Variants in MSI2 observed in about 807,000 individuals in gnomAD.
The protein encoded by MSI2 is RNA-binding protein Musashi homolog 2.
A neutral mutation model predicts 45.6 loss-of-function variants in MSI2; 17 were observed. The observed-to-expected ratio is 0.37, with a 90% CI of 0.26 to 0.56. The LOEUF is 0.56. Ranked by LOEUF, MSI2 falls within the 20% of genes least tolerant of loss-of-function variation. The probability of loss-of-function intolerance (pLI) is 0.77; values close to 1 mark genes in which losing one functional copy is unlikely to be tolerated. For synonymous variants in MSI2, 156 were observed against 158.2 expected (o/e 0.99, Z 0.11); for missense variants, 293 against 444.2 (o/e 0.66, Z 3.06).
intron 10 of MSI2, among the ~76,000 whole-genome samples, chr17:57,643,288 T>C (rs1280210448): frequency 6.6e-6 from 1 of 152,118 alleles, no homozygotes; most frequent in Non-Finnish European, 1.5e-5. Flanking sequence ...AGGCGTGAGC[T>C]CTCCCTCCGC....
chr17:57,355,261 A>G (rs1024660267), intron 5 of MSI2, among the ~76,000 whole-genome samples: 10 of 152,190 alleles, frequency 6.6e-5, no homozygotes, highest in African/African-American at 9.7e-5. Context: ...CTGGATGCAC[A>G]TAGGAGCTTG....
At chr17:57,573,542 A>G (rs2087934304) in intron 7 of MSI2, among the ~76,000 whole-genome samples, 1 of 152,212 alleles carries the variant, frequency 6.6e-6, no homozygotes, top group Non-Finnish European at 1.5e-5. Context: ...TGAGTTGCTC[A>G]GGGTGATAGA....
intron 6 of MSI2, among the ~76,000 whole-genome samples, chr17:57,409,340 G>C (rs534040486): frequency 2.6e-5 from 4 of 152,278 alleles, no homozygotes; most frequent in Non-Finnish European, 5.9e-5. Context: ...TCATCCAAAT[G>C]CTGAATTAGA....
At chr17:57,674,252 G>T (rs1348522542) in intron 11 of MSI2, among the ~76,000 whole-genome samples, 1 of 149,220 alleles carries the variant, frequency 6.7e-6, no homozygotes, top group African/African-American at 2.5e-5. Flanking sequence ...AGGGCGGGAA[G>T]GGAGGGAGTA....
chr17:57,287,133 T>TG (rs1909974523), intron 5 of MSI2, among the ~76,000 whole-genome samples: 3 of 148,794 alleles, frequency 2.0e-5, no homozygotes, highest in East Asian at 1.9e-4. Flanking sequence ...AAAAAGTTGT[T>TG]TTTTTTTTTT....
At chr17:57,402,834 T>C (rs2084017913) in intron 6 of MSI2, among the ~76,000 whole-genome samples, 2 of 152,206 alleles carry the variant, frequency 1.3e-5, no homozygotes, top group Non-Finnish European at 2.9e-5. Context: ...TTTCTGGTAT[T>C]GTCAGCTGGG....
rs79283758 is a variant in MSI2 at position 57,513,701 on chromosome 17, C to G, written c.406-15975C>G. Among the ~76,000 whole-genome samples, 665 of 152,326 alleles carry G rather than the reference C, an allele frequency of 4.4e-3. 3 individuals are homozygous for G. Among genetic ancestry groups the G allele is most frequent in the Non-Finnish European group, 6.3e-3 (429 of 68,032 alleles). ...GCAGTCCCTCAGGGAGCCTCACCCC[C>G]CTCCCGGGCTCTCAAACCCTCTGGC... On this transcript the variant is annotated intron_variant, in intron 6 of 13. Coordinates refer to ENST00000284073, the MANE Select transcript of MSI2 (RefSeq NM_138962.4).
chr17:57,567,234 T>A (rs2087756648), intron 7 of MSI2, among the ~76,000 whole-genome samples: 1 of 152,200 alleles, frequency 6.6e-6, no homozygotes. Flanking sequence ...ATTCAGTCGC[T>A]CCTTTTGTAT....
chr17:57,377,942 G>T lies in MSI2; in HGVS notation c.313-23437G>T, dbSNP rs2083528123. 2.0e-5 allele frequency among the ~76,000 whole-genome samples: 3 copies of T among 152,208 alleles called. No individual in the cohort carries two copies. In the South Asian group the frequency reaches 6.2e-4, roughly 32 times the overall value. ...TACAAAAAATTAGCCAGGCGTGGTG[G>T]TGTGCACCTGTAGTCCCAGCTACTC... On this transcript the variant is annotated intron_variant, in intron 5 of 13. Coordinates refer to ENST00000284073, the MANE Select transcript of MSI2 (RefSeq NM_138962.4).
At chr17:57,536,984 G>A (rs1000300379) in intron 7 of MSI2, among the ~76,000 whole-genome samples, 12 of 152,166 alleles carry the variant, frequency 7.9e-5, no homozygotes, top group Admixed American at 7.9e-4. Context: ...GTGAGAATGG[G>A]GTAGAAACTC....
At chr17:57,546,592 C>G (rs1018670859) in intron 7 of MSI2, among the ~76,000 whole-genome samples, 3 of 152,172 alleles carry the variant, frequency 2.0e-5, no homozygotes, top group African/African-American at 4.8e-5. Context: ...GGCTGTGTGG[C>G]ATGGTGATAA....
chr17:57,470,887 G>A lies in MSI2; in HGVS notation c.406-58789G>A, dbSNP rs565220765. ...TCAGTTCCCTTATCTGCAAAATGAG[G>A]TTAACAACAGTAGGGCCCTTATGGA... On this transcript the variant is annotated intron_variant, in intron 6 of 13. Coordinates refer to ENST00000284073, the MANE Select transcript of MSI2 (RefSeq NM_138962.4). Among the ~76,000 whole-genome samples the A allele has an allele frequency of 1.2e-4, 19 of 152,338 alleles. No homozygotes were observed. In the East Asian group the frequency reaches 3.3e-3, roughly 26 times the overall value.
intron 6 of MSI2, among the ~76,000 whole-genome samples, chr17:57,523,335 A>G (rs1205804368): frequency 1.3e-5 from 2 of 152,200 alleles, no homozygotes; most frequent in African/African-American, 4.8e-5. Context: ...GGCGTGAGCC[A>G]CCACGCCCGG....
Position 57,456,331 on chromosome 17 carries a change from C to T in MSI2, c.405+54860C>T, listed in dbSNP as rs541281088. Among the ~76,000 whole-genome samples the T allele has an allele frequency of 3.3e-5, 5 of 152,308 alleles. No homozygotes were observed. The South Asian group carries it at 8.3e-4, about 25-fold the overall frequency. On this transcript the variant is annotated intron_variant, in intron 6 of 13. Transcript: ENST00000284073. ...GAGCGAAGAACATCACAGCTTTGGC[C>T]GGGCGCAGTGGCTCACGCCTATAAT... is the stretch of plus-strand genomic sequence containing the variant.
At chr17:57,503,419 G>C (rs1002787789) in intron 6 of MSI2, among the ~76,000 whole-genome samples, 4 of 152,214 alleles carry the variant, frequency 2.6e-5, no homozygotes, top group African/African-American at 4.8e-5. Context: ...TGGGTGATTT[G>C]TATTTTCTTC....
intron 5 of MSI2, among the ~76,000 whole-genome samples, chr17:57,361,519 A>T (rs1025616565): frequency 2.0e-5 from 3 of 150,816 alleles, no homozygotes; most frequent in Non-Finnish European, 4.4e-5. Flanking sequence ...AGGTGGGAGG[A>T]TGACTTGAAC....
chr17:57,473,084 G>GTTTAGTAGAAA (rs2085471245), intron 6 of MSI2, among the ~76,000 whole-genome samples: 1 of 152,082 alleles, frequency 6.6e-6, no homozygotes, highest in Admixed American at 6.5e-5. Flanking sequence ...GTAGAGACGG[G>GTTTAGTAGAAA]GTTTCACCAT....
chr17:57,498,888 G>A (rs1311898172), intron 6 of MSI2, among the ~76,000 whole-genome samples: 2 of 151,342 alleles, frequency 1.3e-5, no homozygotes, highest in Non-Finnish European at 2.9e-5. Flanking sequence ...ATTTACATTA[G>A]GTATATCTCC....
chr17:57,607,811 T>C (rs776651124), intron 8 of MSI2, among the ~76,000 whole-genome samples: 11 of 152,042 alleles, frequency 7.2e-5, no homozygotes, highest in Non-Finnish European at 1.5e-4. Flanking sequence ...GAAGGCAAAG[T>C]AGGAACAGGC....
Sources: gnomAD v4.1 joint callset for allele counts (sites outside exome capture counted in the v4.1 genomes callset) on GRCh38, gnomAD v4.1.1 for gene constraint, MANE v1.5 for transcripts, NCBI Gene and HGNC (gene_info 2026-07-23, HGNC 2026-07-21) for gene names.